The following RBFOX1 variants were observed in gnomAD, a reference collection of about 807,000 sequenced individuals.
The protein encoded by RBFOX1 is RNA binding fox-1 homolog 1.
In RBFOX1, 8 loss-of-function variants were observed where a neutral mutation model predicts 57.7. That is an observed-to-expected ratio of 0.14 (90% CI 0.08 to 0.25). The LOEUF is 0.25. RBFOX1 is among the 10% of genes least tolerant of loss of function. The pLI is 1.00. For missense variants in RBFOX1, 611 were observed against 548.5 expected (o/e 1.11, Z -1.14); for synonymous variants, 326 against 222.4 (o/e 1.47, Z -4.15).
chr16:7,036,886 G>A (rs2044636829), intron 3 of RBFOX1, among the ~76,000 whole-genome samples: 1 of 152,186 alleles, frequency 6.6e-6, no homozygotes, highest in South Asian at 2.1e-4. Flanking sequence ...GCCCCTTGGG[G>A]CTGCTTGTTT....
intron 4 of RBFOX1, among the ~76,000 whole-genome samples, chr16:7,087,726 G>A (rs1026750928): frequency 6.6e-6 from 1 of 152,052 alleles, no homozygotes; most frequent in African/African-American, 2.4e-5. Context: ...GGTCTCTAAG[G>A]ACTTGACAGG....
chr16:6,901,079 A>G (rs1374005931), intron 3 of RBFOX1, among the ~76,000 whole-genome samples: 2 of 152,146 alleles, frequency 1.3e-5, no homozygotes, highest in East Asian at 1.9e-4. Flanking sequence ...GATACTTCTC[A>G]GTTGTGCCTC....
chr16:6,465,172 C>T (rs2095016971), intron 2 of RBFOX1, among the ~76,000 whole-genome samples: 1 of 152,128 alleles, frequency 6.6e-6, no homozygotes, highest in East Asian at 1.9e-4. Context: ...AGGTTTTTAC[C>T]CATGCAAAGT....
intron 4 of RBFOX1, among the ~76,000 whole-genome samples, chr16:7,136,749 C>T (rs1163484425): frequency 6.6e-6 from 1 of 152,116 alleles, no homozygotes; most frequent in African/African-American, 2.4e-5. Context: ...TAGTGCTAGG[C>T]CAGAGCACAG....
At chr16:7,703,124 C>A (rs1459959106) in intron 14 of RBFOX1, among the ~76,000 whole-genome samples, 1 of 152,098 alleles carries the variant, frequency 6.6e-6, no homozygotes, top group African/African-American at 2.4e-5. Flanking sequence ...ACAGTTGGTG[C>A]CCTGTTGCTA....
chr16:6,099,870 A>G (rs565518846), intron 1 of RBFOX1, among the ~76,000 whole-genome samples: 3 of 152,340 alleles, frequency 2.0e-5, no homozygotes, highest in South Asian at 2.1e-4. Context: ...TTTTACTTCC[A>G]TATTAAAGGA....
chr16:5,985,940 T>C (rs1020279178), intron 4 of RBFOX1, among the ~76,000 whole-genome samples: 5 of 152,218 alleles, frequency 3.3e-5, no homozygotes, highest in African/African-American at 1.2e-4. Context: ...TCATATGGAC[T>C]TAGGAATCCA....
At chr16:6,418,088 A>C (rs1229266340) in intron 2 of RBFOX1, among the ~76,000 whole-genome samples, 2 of 152,184 alleles carry the variant, frequency 1.3e-5, no homozygotes, top group Non-Finnish European at 2.9e-5. Flanking sequence ...TACTGCCATG[A>C]CTAAGTACGA....
At chr16:6,748,294 C>A (rs181417775) in intron 3 of RBFOX1, among the ~76,000 whole-genome samples, 125 of 151,362 alleles carry the variant, frequency 8.3e-4, no homozygotes, top group African/African-American at 3.0e-3. Context: ...CACACACACA[C>A]GCAAATACAT....
intron 2 of RBFOX1, among the ~76,000 whole-genome samples, chr16:6,415,014 A>T (rs1040512626): frequency 2.0e-5 from 3 of 152,048 alleles, no homozygotes; most frequent in Non-Finnish European, 4.4e-5. Flanking sequence ...AGGCCAAGAC[A>T]GGCGGATCAC....
intron 2 of RBFOX1, among the ~76,000 whole-genome samples, chr16:6,611,172 G>A (rs563148640): frequency 1.3e-5 from 2 of 152,100 alleles, no homozygotes; most frequent in African/African-American, 4.8e-5. Context: ...GGGAGGGGAC[G>A]AAGTCTCTCT....
At chr16:7,334,645 A>G (rs1354114358) in intron 4 of RBFOX1, among the ~76,000 whole-genome samples, 1 of 151,992 alleles carries the variant, frequency 6.6e-6, no homozygotes, top group Non-Finnish European at 1.5e-5. Context: ...GGTTTAATGG[A>G]CTCCAGAGCT....
intron 1 of RBFOX1, among the ~76,000 whole-genome samples, chr16:5,298,583 T>C (rs1451757164): frequency 2.0e-4 from 1 of 5,102 alleles, no homozygotes; most frequent in Non-Finnish European, 3.1e-4. Flanking sequence ...TTCCCCTCCC[T>C]TCCCCTCCCC....
chr16:6,436,425 C>G (rs1046656256), intron 2 of RBFOX1, among the ~76,000 whole-genome samples: 1 of 151,924 alleles, frequency 6.6e-6, no homozygotes, highest in Non-Finnish European at 1.5e-5. Context: ...GTATTTAATT[C>G]CCTTATACAT....
rs547312461 is a variant in RBFOX1 at position 6,252,610 on chromosome 16, G to GTTTTT, written c.-126-64381_-126-64380insTTTTT. On this transcript the variant is annotated intron_variant, in intron 1 of 15. Transcript: ENST00000550418. ...TCTGCTTTCGTTTCCATGCCAAGGTGTTTTGTTTTGTTTTGTTTTGTTTTG... is the reference window on the plus strand; with the variant it reads ...TCTGCTTTCGTTTCCATGCCAAGGTGTTTTTTTTTGTTTTGTTTTGTTTTGTTTTG... 5.8e-3 allele frequency among the ~76,000 whole-genome samples: 876 copies of GTTTTT among 151,646 alleles called. 2 individuals are homozygous for GTTTTT. The highest frequency in any genetic ancestry group is 7.9e-3 in the Non-Finnish European group (536 of 67,868).
intron 2 of RBFOX1, among the ~76,000 whole-genome samples, chr16:5,529,813 C>A (rs2044392850): frequency 6.6e-6 from 1 of 152,042 alleles, no homozygotes; most frequent in African/African-American, 2.4e-5. Flanking sequence ...AGTGATCCAC[C>A]CACCTCAGAT....
At chr16:6,917,719 T>C (rs1161801153) in intron 3 of RBFOX1, among the ~76,000 whole-genome samples, 2 of 152,196 alleles carry the variant, frequency 1.3e-5, no homozygotes, top group African/African-American at 4.8e-5. Flanking sequence ...TTTGCTTCGA[T>C]GGGAACCTCG....
At chr16:7,358,627 C>T (rs2097262336) in intron 4 of RBFOX1, among the ~76,000 whole-genome samples, 1 of 152,122 alleles carries the variant, frequency 6.6e-6, no homozygotes, top group African/African-American at 2.4e-5. Flanking sequence ...ACCATGTTGG[C>T]CAAGCTGGTC....
At chr16:6,532,928 C>G (rs930136150) in intron 2 of RBFOX1, among the ~76,000 whole-genome samples, 11 of 152,194 alleles carry the variant, frequency 7.2e-5, no homozygotes, top group African/African-American at 2.7e-4. Context: ...TCTCCTCTCA[C>G]TTTCTACCTG....
Sources: allele counts gnomAD v4.1 joint callset (sites outside exome capture counted in the v4.1 genomes callset), GRCh38; gene constraint gnomAD v4.1.1; transcripts MANE v1.5; gene names NCBI Gene and HGNC (gene_info 2026-07-23, HGNC 2026-07-21).